GRM4: variants seen among roughly 807,000 people sequenced by gnomAD.
GRM4 encodes metabotropic glutamate receptor 4.
Under a neutral mutation model 81.7 loss-of-function variants are expected in GRM4, and 28 were observed. The ratio of observed to expected loss-of-function variants is 0.34; its 90% CI spans 0.25 to 0.47. GRM4 has a LOEUF of 0.47. Among genes scored for constraint, GRM4 ranks in the 20% least tolerant of loss-of-function variants. GRM4 has a pLI of 1.00. For synonymous variants in GRM4, 488 were observed against 528.8 expected (o/e 0.92, Z 1.06); for missense variants, 948 against 1,290.0 (o/e 0.73, Z 4.06).
rs147554355 is a variant in GRM4, at chr6:34,112,681, G to A, written c.519+20297C>T. Among the ~76,000 whole-genome samples the A allele has an allele frequency of 4.4e-3, 665 of 152,158 alleles. 8 individuals are homozygous for A. The highest frequency in any genetic ancestry group is 0.015 in the African/African-American group (609 of 41,476). ...TTCTTGGTGGGAAGGGGTTGGAGGC[G>A]GCAGGGGAAGCTCAGGAAAAACCTC... is the stretch of plus-strand genomic sequence containing the variant. On this transcript the variant is annotated intron_variant, in intron 2 of 10. Transcript: ENST00000538487.
At chr6:34,031,951 G>GCTCTCT (rs61457652) in intron 9 of GRM4, among the ~76,000 whole-genome samples, 1 of 148,792 alleles carries the variant, frequency 6.7e-6, no homozygotes, top group African/African-American at 2.5e-5. Context: ...ACTCAGCTGG[G>GCTCTCT]CTCTCTCTCT....
chr6:34,094,156 AG>A (rs1165815481), intron 2 of GRM4, among the ~76,000 whole-genome samples: 2 of 152,238 alleles, frequency 1.3e-5, no homozygotes, highest in African/African-American at 4.8e-5. Flanking sequence ...GGCAACATGC[AG>A]GTGGAAGCTG....
rs917862533 is a variant in GRM4 at position 34,034,969 on chromosome 6, G to A, written c.2442+699C>T. Among the ~76,000 whole-genome samples the A allele has an allele frequency of 6.6e-6, 1 of 152,226 alleles. No individual in the cohort carries two copies. Among genetic ancestry groups the A allele is most frequent in the Admixed American group, 6.5e-5 (1 of 15,284 alleles). ...TCGGACCAAGCCAACAGGAGGCAGA[G>A]GTAGCCACTCTGCAACTCCAGCCAA... On this transcript the variant is annotated intron_variant, in intron 9 of 10. Coordinates refer to ENST00000538487, the MANE Select transcript of GRM4 (RefSeq NM_000841.4). This position sits in a 1 kb window ranked among gnomAD's most constrained non-coding sequence, Gnocchi z 4.0.
intron 6 of GRM4, among the ~76,000 whole-genome samples, chr6:34,041,824 A>G (rs9366836): frequency 0.23 from 34,644 of 152,176 alleles, 4,444 homozygotes; most frequent in African/African-American, 0.34. Flanking sequence ...AACATATTGA[A>G]TAACAACAAT....
intron 3 of GRM4, among the ~76,000 whole-genome samples, chr6:34,088,687 A>C (rs114832124): frequency 0.01 from 1,545 of 152,318 alleles, 28 homozygotes; most frequent in African/African-American, 0.035. Flanking sequence ...GACCCTAGGC[A>C]AGCCACATCA....
At chr6:34,027,010 G>A (rs956698176) in intron 10 of GRM4, among the ~76,000 whole-genome samples, 5 of 152,148 alleles carry the variant, frequency 3.3e-5, no homozygotes, top group Admixed American at 2.6e-4. Flanking sequence ...TGGGGTTTCC[G>A]AACATCCAGG....
At chr6:34,134,723 C>A (rs1469505511) in intron 1 of GRM4, among the ~76,000 whole-genome samples, 1 of 141,870 alleles carries the variant, frequency 7.0e-6, no homozygotes, top group Non-Finnish European at 1.5e-5. Context: ...ACTGCTCTTT[C>A]TCCCCACCCC....
At chr6:34,132,641 C>T (rs1303098369) in intron 2 of GRM4, among the ~76,000 whole-genome samples, 1 of 152,210 alleles carries the variant, frequency 6.6e-6, no homozygotes, top group Non-Finnish European at 1.5e-5. Flanking sequence ...TTCTCCAGAA[C>T]ATCCTTTTCC....
intron 2 of GRM4, chr6:34,101,912 G>A (rs758142512): frequency 1.1e-5 from 11 of 980,080 alleles, no homozygotes; most frequent in Admixed American, 5.0e-5. Context: ...GAGTGATCTC[G>A]TGGCCCCTGG....
rs2127500801 is a variant in GRM4 at position 34,114,891 on chromosome 6, T to C, written c.519+18087A>G. On this transcript the variant is annotated intron_variant, in intron 2 of 10. Transcript: ENST00000538487. This position sits in a 1 kb window ranked among gnomAD's most constrained non-coding sequence, Gnocchi z 4.3. Reference sequence around the variant, plus strand: ...CCCATCCCCACCACCTGCTCCAGTATCTTGCACAAACTTGGAGCTCCATAC... The same window carrying C: ...CCCATCCCCACCACCTGCTCCAGTACCTTGCACAAACTTGGAGCTCCATAC... Among the ~76,000 whole-genome samples the C allele has an allele frequency of 6.6e-6, 1 of 152,286 alleles. No individual in the cohort carries two copies. The highest frequency in any genetic ancestry group is 6.5e-5 in the Admixed American group (1 of 15,302).
chr6:34,088,065 C>G (rs988121144), intron 3 of GRM4, among the ~76,000 whole-genome samples: 1 of 152,102 alleles, frequency 6.6e-6, no homozygotes, highest in African/African-American at 2.4e-5. Context: ...GCAGCCAGAC[C>G]CTGACAAACC....
rs137911345 is a variant in GRM4, at chr6:34,071,115, G to A, written c.737-9087C>T. 2.2e-3 allele frequency among the ~76,000 whole-genome samples: 327 copies of A among 150,988 alleles called. 1 individual carries two copies. Among genetic ancestry groups the A allele is most frequent in the African/African-American group, 6.9e-3 (285 of 41,042 alleles). ...CCTCCACATACACACCCACAAACCC[G>A]GGCACGCAAGTCATGTAAATCCCCA... On this transcript the variant is annotated intron_variant, in intron 3 of 10. Transcript: ENST00000538487.
intron 2 of GRM4, among the ~76,000 whole-genome samples, chr6:34,104,064 G>A (rs1049959981): frequency 6.6e-5 from 10 of 152,372 alleles, no homozygotes; most frequent in African/African-American, 1.7e-4. Context: ...CGAAGCTGAG[G>A]AACATGCCTG....
At position 34,090,031 on chromosome 6, in the gene GRM4, G is replaced by A. The variant is rs577139649; in HGVS notation, c.736+1852C>T. On this transcript the variant is annotated intron_variant, in intron 3 of 10. Transcript: ENST00000538487. This position sits in a 1 kb window ranked among gnomAD's most constrained non-coding sequence, Gnocchi z 5.2. Reference sequence around the variant, plus strand: ...ATCCCTTCTCCACCTCTTACTTGCTGTGTGGCCTGGTGCTAGCTATTATTC... The same window carrying A: ...ATCCCTTCTCCACCTCTTACTTGCTATGTGGCCTGGTGCTAGCTATTATTC... 1.3e-5 allele frequency among the ~76,000 whole-genome samples: 2 copies of A among 152,208 alleles called. No homozygotes were observed. The highest frequency in any genetic ancestry group is 4.8e-5 in the African/African-American group (2 of 41,448).
At chr6:34,139,442 G>T (rs1353684908) in intron 1 of GRM4, among the ~76,000 whole-genome samples, 1 of 152,178 alleles carries the variant, frequency 6.6e-6, no homozygotes, top group Non-Finnish European at 1.5e-5. Flanking sequence ...CCCAACCTAT[G>T]ATTCCCTCCA....
rs1245540610 is a variant in GRM4 at position 34,070,631 on chromosome 6, G to A, written c.737-8603C>T. Reference sequence around the variant, plus strand: ...AGGAGGGCAGGAGCTCGGAGGACAGGGGCCTCATCACTTAGCCAGGCCAGG... The same window carrying A: ...AGGAGGGCAGGAGCTCGGAGGACAGAGGCCTCATCACTTAGCCAGGCCAGG... On this transcript the variant is annotated intron_variant, in intron 3 of 10. Coordinates refer to ENST00000538487, the MANE Select transcript of GRM4 (RefSeq NM_000841.4). This position sits in a 1 kb window ranked among gnomAD's most constrained non-coding sequence, Gnocchi z 4.6. 6.6e-6 allele frequency among the ~76,000 whole-genome samples: 1 copy of A among 151,890 alleles called. No individual in the cohort carries two copies. The highest frequency in any genetic ancestry group is 2.4e-5 in the African/African-American group (1 of 41,294).
chr6:34,146,208 T>A (rs1263725872), upstream of GRM4: 2 of 914,618 alleles, frequency 2.2e-6, no homozygotes, highest in Admixed American at 6.2e-5. Context: ...ACCCCACTGC[T>A]CCTGATTCAA....
At chr6:34,110,699 A>G (rs1053419470) in intron 2 of GRM4, 2 of 1,520,320 alleles carry the variant, frequency 1.3e-6, no homozygotes, top group Admixed American at 2.0e-5. Flanking sequence ...TGTCTGCCTC[A>G]GCCTCCCCGC....
intron 1 of GRM4, among the ~76,000 whole-genome samples, chr6:34,143,563 G>A (rs1770792818): frequency 6.6e-6 from 1 of 152,218 alleles, no homozygotes; most frequent in African/African-American, 2.4e-5. Flanking sequence ...CTTCATGAAA[G>A]CTTCCCCCTA....
Sources: allele counts gnomAD v4.1 joint callset (sites outside exome capture counted in the v4.1 genomes callset), GRCh38; gene constraint gnomAD v4.1.1; non-coding constraint Gnocchi (gnomAD v3.1); transcripts MANE v1.5; gene names NCBI Gene and HGNC (gene_info 2026-07-23, HGNC 2026-07-21).